Variants in COMMD5 observed in about 807,000 individuals in gnomAD.
COMMD5 encodes the protein COMM domain-containing protein 5.
COMMD5 carries 10 observed loss-of-function variants against 6.9 expected under a neutral mutation model. The observed-to-expected ratio is 1.44, with a 90% confidence interval of 0.89 to 2.45. The LOEUF (loss-of-function observed/expected upper bound fraction) is 2.45. COMMD5 is among the 30% of genes most tolerant of loss of function. The pLI, the probability that COMMD5 is intolerant of heterozygous loss-of-function variation, is 0.00. For missense variants in COMMD5, 234 were observed against 287.8 expected (o/e 0.81, Z 1.35); for synonymous variants, 127 against 125.3 (o/e 1.01, Z -0.09).
rs182085187 is a variant in COMMD5 at position 144,843,188 on chromosome 8, G to A, written c.*117-1445C>T. ...GGATAGACCACTTACATATAAATGT[G>A]TATATATGTGAATAAACCTATAGCC... On this transcript the variant is annotated intron_variant and NMD_transcript_variant, in intron 1 of 1. Coordinates refer to the COMMD5 transcript ENST00000530332. 9 of 1,539,744 alleles carry A rather than the reference G, an allele frequency of 5.8e-6. No homozygotes were observed. In the East Asian group the frequency reaches 1.4e-4, roughly 23 times the overall value.
chr8:144,843,409 A>C (rs562256103), intron 1 of COMMD5: 4 of 400,526 alleles, frequency 1.0e-5, no homozygotes, highest in Non-Finnish European at 1.7e-5. Flanking sequence ...GTAACAGGTG[A>C]AACCCCATCT....
chr8:144,841,802 T>C, intron 1 of COMMD5: 1 of 1,614,180 alleles, frequency 6.2e-7, no homozygotes, highest in Non-Finnish European at 8.5e-7. Context: ...CAAAAAAAGT[T>C]ATCTGACTGC....
At chr8:144,843,256 A>ATG (rs1830209817) in intron 1 of COMMD5, 1 of 1,409,028 alleles carries the variant, frequency 7.1e-7, no homozygotes, top group South Asian at 1.5e-5. Flanking sequence ...ACTGACAAAC[A>ATG]TGTAGAATGT....
downstream of COMMD5, among the ~76,000 whole-genome samples, chr8:144,849,354 AGGGCACCTG>A (rs535198198): frequency 1.6e-4 from 25 of 152,240 alleles, 1 homozygote; most frequent in East Asian, 3.3e-3. Flanking sequence ...TGCACCTTAG[AGGGCACCTG>A]GGCTCCTCCC....
At position 144,841,479 on chromosome 8, in the gene COMMD5, C is replaced by T. The variant is rs150995956; in HGVS notation, c.*381G>A. ...TTCCTCAGAATCCTGGCTTTGGAGA[C>T]GTTTCTGATTCTGAGGTCTGGTTAG... is the stretch of plus-strand genomic sequence containing the variant. On this transcript the variant is annotated 3_prime_UTR_variant and NMD_transcript_variant, in exon 2 of 2. Transcript: ENST00000530332. 6.3e-5 allele frequency: 101 copies of T among 1,614,190 alleles called. No individual in the cohort carries two copies. The East Asian group carries it at 1.8e-3, about 29-fold the overall frequency.
At chr8:144,847,369 G>A (rs950036501), downstream of COMMD5, 14 of 152,226 alleles carry the variant, frequency 9.2e-5, no homozygotes, top group African/African-American at 3.4e-4. Context: ...GTGACCCCAG[G>A]AGTTCGGAGA....
chr8:144,841,617 A>C lies in COMMD5; in HGVS notation c.*243T>G, dbSNP rs144730196. The C allele has an allele frequency of 3.7e-5, 60 of 1,614,194 alleles. No individual in the cohort carries two copies. The African/African-American group carries it at 6.0e-4, about 16-fold the overall frequency. ...CCTTCACCAAGGACGCACCCCAGGG[A>C]TGTAAGGAGCTGGGAAGCAGCGGCC... is the stretch of plus-strand genomic sequence containing the variant. On this transcript the variant is annotated 3_prime_UTR_variant and NMD_transcript_variant, in exon 2 of 2. Transcript: ENST00000530332.
chr8:144,841,235 G>T, exon 2 of COMMD5: 2 of 994,122 alleles, frequency 2.0e-6, no homozygotes, highest in Non-Finnish European at 3.0e-6. Context: ...TTCCACCTGG[G>T]GCCTCACAGT....
At chr8:144,838,747 C>T (rs2130646792), downstream of COMMD5, 1 of 152,456 alleles carries the variant, frequency 6.6e-6, no homozygotes, top group African/African-American at 2.4e-5. Context: ...TCGAGACCAT[C>T]CTGGCCAACA....
chr8:144,851,786 T>C (rs529170774), intron 1 of COMMD5, among the ~76,000 whole-genome samples: 1 of 152,230 alleles, frequency 6.6e-6, no homozygotes, highest in East Asian at 1.9e-4. Context: ...CTATTCAATC[T>C]TGAATCCTTC....
rs769011972 is a variant in COMMD5, at chr8:144,850,836, A to G, written c.503T>C (p.Leu168Pro). The G allele has an allele frequency of 3.0e-5, 49 of 1,613,700 alleles. No individual in the cohort carries two copies. The highest frequency in any genetic ancestry group is 4.2e-5 in the Non-Finnish European group (49 of 1,180,026). ...RVDVAISTSA[L>P]ARSLQPSVLM... is the part of the protein sequence containing the mutation. ...GACGCTCGGCTGCAGGGAGCGAGCC[A>G]GGGCACTGGTGGAGATTGCTACATC... Residue 168 changes from leucine to proline, a missense_variant, in exon 2 of 2, where the codon CTG (leucine) becomes CCG (proline). Physicochemically the swap from Leu to Pro is moderately conservative, Grantham distance 98 (BLOSUM62 -3). Coordinates refer to ENST00000305103, the MANE Select transcript of COMMD5 (RefSeq NM_014066.4). The surrounding 1 kb of genome is among the most constrained non-coding windows in gnomAD (Gnocchi z 4.0).
intron 1 of COMMD5, chr8:144,842,009 C>A (rs757873303): frequency 2.5e-6 from 4 of 1,614,236 alleles, no homozygotes; most frequent in Non-Finnish European, 2.5e-6. Flanking sequence ...AGAATCCACA[C>A]TGGGGAGAAG....
chr8:144,839,805 A>C (rs1829624330), downstream of COMMD5, among the ~76,000 whole-genome samples: 2 of 152,186 alleles, frequency 1.3e-5, no homozygotes, highest in Non-Finnish European at 2.9e-5. Context: ...GGCCCAGAGC[A>C]GTGGAGGAGC....
At position 144,851,520 on chromosome 8, in the gene COMMD5, C is replaced by T. The variant is rs76451212; in HGVS notation, c.-57-125G>A. ...GAACTACCAATGACAGTCAGTGCTG[C>T]GGAGATGGCCCTGGAAGCAGGTGGC... On this transcript the variant is annotated intron_variant, in intron 1 of 1. Coordinates refer to ENST00000305103, the MANE Select transcript of COMMD5 (RefSeq NM_014066.4). The T allele has an allele frequency of 9.8e-4, 686 of 701,394 alleles. 5 individuals carry two copies. The East Asian group carries it at 0.017, about 18-fold the overall frequency. 43.4% of individuals were successfully genotyped at this position (701,394 alleles called of 1,614,324 possible). A position where few individuals can be genotyped will look rare whatever the true frequency, so the allele number is the denominator to read the frequency against.
At chr8:144,848,689 C>T (rs949858946), downstream of COMMD5, among the ~76,000 whole-genome samples, 1 of 152,196 alleles carries the variant, frequency 6.6e-6, no homozygotes, top group African/African-American at 2.4e-5. Flanking sequence ...TCTAAGTCTG[C>T]TCCACGCTGT....
chr8:144,841,897 C>A, intron 1 of COMMD5: 3 of 1,614,096 alleles, frequency 1.9e-6, no homozygotes, highest in Non-Finnish European at 2.5e-6. Context: ...GCTCTGCTCG[C>A]AGCTTAATCA....
At chr8:144,848,478 C>T (rs1830607997), downstream of COMMD5, among the ~76,000 whole-genome samples, 1 of 145,832 alleles carries the variant, frequency 6.9e-6, no homozygotes, top group African/African-American at 2.6e-5. Context: ...GCCTGGGCAA[C>T]AGGAGTGAAA....
chr8:144,839,836 C>T (rs1219150546), downstream of COMMD5, among the ~76,000 whole-genome samples: 1 of 152,208 alleles, frequency 6.6e-6, no homozygotes, highest in Non-Finnish European at 1.5e-5. Context: ...CAGCTGTGCA[C>T]CCCCACGCTT....
chr8:144,845,926 T>A, downstream of COMMD5: 1 of 1,509,670 alleles, frequency 6.6e-7, no homozygotes, highest in Non-Finnish European at 8.9e-7. Flanking sequence ...CTTAGCCAGG[T>A]GGTCACCTTC....
Sources: gnomAD v4.1 joint callset for allele counts (sites outside exome capture counted in the v4.1 genomes callset) on GRCh38, gnomAD v4.1.1 for gene constraint, Gnocchi (gnomAD v3.1) non-coding constraint, MANE v1.5 for transcripts, NCBI Gene and HGNC (gene_info 2026-07-23, HGNC 2026-07-21) for gene names.